The following SRRM4 variants were observed in gnomAD, a reference collection of about 807,000 sequenced individuals.
The protein encoded by SRRM4 is serine/arginine repetitive matrix 4, also known as serine/arginine repetitive matrix protein 4.
Under a neutral mutation model 68.9 loss-of-function variants are expected in SRRM4, and 33 were observed. The observed-to-expected ratio is 0.48, with a 90% CI of 0.36 to 0.64. SRRM4 has a LOEUF of 0.64. SRRM4 is among the 30% of genes least tolerant of loss of function. SRRM4 has a pLI of 0.00. For missense variants in SRRM4, 817 were observed against 827.1 expected (o/e 0.99, Z 0.15); for synonymous variants, 318 against 318.8 (o/e 1.00, Z 0.03).
Position 119,019,952 on chromosome 12 carries a change from C to A in SRRM4, c.131+37939C>A, listed in dbSNP as rs867260249. ...AGCTCTGGACAGTTCCCCCCGCTCC[C>A]CCCCCCCCCAAAAAAAAATCACACA... is the stretch of plus-strand genomic sequence containing the variant. On this transcript the variant is annotated intron_variant, in intron 1 of 12. Transcript: ENST00000267260. 2.3e-3 allele frequency among the ~76,000 whole-genome samples: 163 copies of A among 72,438 alleles called. 1 individual carries two copies. The highest frequency in any genetic ancestry group is 6.9e-3 in the African/African-American group (154 of 22,242). The allele number at this position is 72,438 out of a possible 152,430, so 47.5% of individuals were successfully genotyped here.
intron 5 of SRRM4, 104 bp from the exon 6 acceptor site, chr12:119,121,966 C>T (rs1954222288): frequency 1.3e-6 from 1 of 769,614 alleles, no homozygotes; most frequent in Admixed American, 2.0e-5. Context: ...AGTGTCCATT[C>T]CAAAACTGCC....
rs1355446912 is a variant in SRRM4 at position 119,159,555 on chromosome 12, G to T, written c.*2757G>T. 6.6e-6 allele frequency: 1 copy of T among 152,132 alleles called. No homozygotes were observed. The highest frequency in any genetic ancestry group is 1.5e-5 in the Non-Finnish European group (1 of 68,028). 9.4% of individuals were successfully genotyped at this position (152,132 alleles called of 1,614,324 possible). On this transcript the variant is annotated 3_prime_UTR_variant, in exon 13 of 13. Coordinates refer to ENST00000267260, the MANE Select transcript of SRRM4 (RefSeq NM_194286.4). ...CTGGTTTAGTACTGGAATTGCACTT[G>T]GGGTTGACAAGGTGCTCACACCATG...
chr12:119,052,502 G>A (rs183942814), intron 1 of SRRM4, among the ~76,000 whole-genome samples: 1 of 150,284 alleles, frequency 6.7e-6, no homozygotes, highest in Non-Finnish European at 1.5e-5. Context: ...CTGCTTTTTT[G>A]TTGTTGTTGT....
At chr12:119,085,751 C>A (rs1392777728) in intron 1 of SRRM4, among the ~76,000 whole-genome samples, 1 of 152,100 alleles carries the variant, frequency 6.6e-6, no homozygotes. Flanking sequence ...GCTCTGGAGG[C>A]TGCTGCAGTT....
intron 1 of SRRM4, among the ~76,000 whole-genome samples, chr12:118,990,450 T>C (rs1414308425): frequency 1.3e-5 from 2 of 152,232 alleles, no homozygotes; most frequent in Non-Finnish European, 2.9e-5. Flanking sequence ...CTATGTCATC[T>C]TAATTCAGTG....
At position 119,116,951 on chromosome 12, in the gene SRRM4, G is replaced by A. The variant is rs748362912; in HGVS notation, c.380G>A (p.Ser127Asn). Reference sequence around the variant, plus strand: ...GGCCCTGGCAGGTCCTCATCCTATAGCCCATCGCCTGTCAAGAAAAAGAAG... The same window carrying A: ...GGCCCTGGCAGGTCCTCATCCTATAACCCATCGCCTGTCAAGAAAAAGAAG... Reference protein sequence around the residue: ...RKKRRRSSSYSPSPVKKKKKK... With the variant: ...RKKRRRSSSYNPSPVKKKKKK... Residue 127 changes from serine (S) to asparagine (N), a missense_variant, in exon 4 of 13, where the codon AGC (serine) becomes AAC (asparagine). Transcript: ENST00000267260. 10 of 1,613,034 alleles carry A rather than the reference G, an allele frequency of 6.2e-6. No homozygotes were observed. The highest frequency in any genetic ancestry group is 2.2e-5 in the South Asian group (2 of 91,038).
chr12:119,096,187 ATTTT>A (rs749042616), intron 1 of SRRM4, among the ~76,000 whole-genome samples: 58 of 134,386 alleles, frequency 4.3e-4, no homozygotes, highest in African/African-American at 1.3e-3. Flanking sequence ...CGCCCAGCTA[ATTTT>A]TTTTTTTTTT....
intron 1 of SRRM4, among the ~76,000 whole-genome samples, chr12:119,032,920 G>A (rs1252134921): frequency 6.6e-6 from 1 of 152,090 alleles, no homozygotes; most frequent in Non-Finnish European, 1.5e-5. Context: ...TCAGCTAAAA[G>A]TTATAATAGT....
At chr12:119,101,889 A>G (rs543542920) in intron 1 of SRRM4, among the ~76,000 whole-genome samples, 2 of 99,818 alleles carry the variant, frequency 2.0e-5, no homozygotes, top group Non-Finnish European at 2.6e-5. Flanking sequence ...AAATAAACCT[A>G]CATCAAAGTG....
intron 6 of SRRM4, among the ~76,000 whole-genome samples, chr12:119,122,855 A>C (rs903752844): frequency 2.6e-5 from 4 of 152,178 alleles, no homozygotes; most frequent in African/African-American, 7.2e-5. Context: ...TCATGTGCTG[A>C]CTGTTGGATT....
At chr12:119,151,501 T>C (rs894123517) in intron 10 of SRRM4, among the ~76,000 whole-genome samples, 1 of 152,194 alleles carries the variant, frequency 6.6e-6, no homozygotes, top group East Asian at 1.9e-4. Flanking sequence ...GAATATCAGT[T>C]ATTATTGCTG....
chr12:119,056,629 G>T (rs1009894305), intron 1 of SRRM4, among the ~76,000 whole-genome samples: 1 of 151,744 alleles, frequency 6.6e-6, no homozygotes, highest in Non-Finnish European at 1.5e-5. Flanking sequence ...AACCCACTAA[G>T]CTATCTGTCC....
intron 1 of SRRM4, among the ~76,000 whole-genome samples, chr12:119,011,592 G>A (rs35791460): frequency 0.26 from 40,043 of 152,026 alleles, 6,053 homozygotes; most frequent in Middle Eastern, 0.47. Flanking sequence ...TTAAGACAAC[G>A]TTTGCAAATC....
Position 119,160,279 on chromosome 12 carries a change from CTCTCTCTCTG to C in SRRM4, c.*3491_*3500del, listed in dbSNP as rs1443511157. Reference sequence around the variant, plus strand: ...TCTCTCTCTCTGTCTCTCTCTCTGTCTCTCTCTCTGTCTCTCTCTCTCTCTCTCTCTCTCT... The same window carrying C: ...TCTCTCTCTCTGTCTCTCTCTCTGTCTCTCTCTCTCTCTCTCTCTCTCTCT... On this transcript the variant is annotated 3_prime_UTR_variant, in exon 13 of 13. Transcript: ENST00000267260. The C allele has an allele frequency of 9.9e-4, 135 of 136,136 alleles. No homozygotes were observed. Among genetic ancestry groups the C allele is most frequent in the East Asian group, 9.1e-3 (44 of 4,820 alleles). The allele number at this position is 136,136 out of a possible 1,614,324, so 8.4% of individuals were successfully genotyped here.
At chr12:119,054,168 T>A (rs1592878832) in intron 1 of SRRM4, among the ~76,000 whole-genome samples, 1 of 152,204 alleles carries the variant, frequency 6.6e-6, no homozygotes. Context: ...TTATTTCACT[T>A]AACGTAATGA....
At chr12:119,094,967 A>G (rs1161576639) in intron 1 of SRRM4, among the ~76,000 whole-genome samples, 3 of 152,202 alleles carry the variant, frequency 2.0e-5, no homozygotes, top group African/African-American at 7.2e-5. Flanking sequence ...TTTTTATTCA[A>G]TTTCTACTAA....
intron 1 of SRRM4, among the ~76,000 whole-genome samples, chr12:119,011,858 C>A (rs555855511): frequency 6.6e-6 from 1 of 152,072 alleles, no homozygotes; most frequent in Non-Finnish European, 1.5e-5. Flanking sequence ...GACCTGGTTG[C>A]CAATCTCAGC....
Position 119,156,533 on chromosome 12 carries a change from C to G in SRRM4, c.1571C>G (p.Pro524Arg). ...KRPIPYYRPS[P>R]SSSGSLSSTS... ...CCCATCCCCTACTATCGGCCCAGCC[C>G]CTCCTCATCCGGCAGCCTCAGCAGC... The change falls in exon 13 of 13, where the codon CCC becomes CGC. Residue 524 changes from proline (P) to arginine (R), a missense_variant. Transcript: ENST00000267260. The G allele has an allele frequency of 6.2e-7, 1 of 1,610,920 alleles. No homozygotes were observed. The highest frequency in any genetic ancestry group is 8.5e-7 in the Non-Finnish European group (1 of 1,179,216).
At chr12:119,070,107 ACCTGATT>A (rs1225004175) in intron 1 of SRRM4, among the ~76,000 whole-genome samples, 1 of 152,054 alleles carries the variant, frequency 6.6e-6, no homozygotes, top group Non-Finnish European at 1.5e-5. Flanking sequence ...TGCATGAAGT[ACCTGATT>A]TTGAAATGTT....
Sources: allele counts gnomAD v4.1 joint callset (sites outside exome capture counted in the v4.1 genomes callset), GRCh38; gene constraint gnomAD v4.1.1; transcripts MANE v1.5; gene names NCBI Gene and HGNC (gene_info 2026-07-23, HGNC 2026-07-21).